Variants in PRKCE observed in about 807,000 individuals in gnomAD.
The protein encoded by PRKCE is protein kinase C epsilon type.
A neutral mutation model predicts 85.4 loss-of-function variants in PRKCE; 16 were observed. The ratio of observed to expected loss-of-function variants is 0.19; its 90% CI spans 0.13 to 0.28. The LOEUF (loss-of-function observed/expected upper bound fraction) is 0.28. Among genes scored for constraint, PRKCE ranks in the 10% least tolerant of loss-of-function variants. The probability of loss-of-function intolerance (pLI) is 1.00; values close to 1 mark genes in which losing one functional copy is unlikely to be tolerated. For missense variants in PRKCE, 573 were observed against 975.2 expected, an observed-to-expected ratio of 0.59 and a Z score of 5.49; for synonymous variants, 388 against 371.5, an observed-to-expected ratio of 1.04 and a Z score of -0.51.
intron 1 of PRKCE, among the ~76,000 whole-genome samples, chr2:45,710,917 G>A (rs892739474): frequency 6.6e-6 from 1 of 152,198 alleles, no homozygotes; most frequent in Non-Finnish European, 1.5e-5. Context: ...AGAGAGGGGG[G>A]ACCTTGCCTT....
intron 1 of PRKCE, among the ~76,000 whole-genome samples, chr2:45,747,012 C>T (rs181794527): frequency 1.8e-4 from 27 of 152,310 alleles, no homozygotes; most frequent in East Asian, 9.6e-4. Context: ...ACTGATGACA[C>T]GCTTCTCTGA....
At chr2:45,917,466 C>G (rs1376257011) in intron 2 of PRKCE, among the ~76,000 whole-genome samples, 4 of 152,214 alleles carry the variant, frequency 2.6e-5, no homozygotes, top group Non-Finnish European at 5.9e-5. Context: ...TTCACAAACC[C>G]TGAGCTAGAC....
intron 6 of PRKCE, among the ~76,000 whole-genome samples, chr2:45,990,192 T>C (rs2245633): frequency 0.5 from 76,421 of 151,960 alleles, 19,683 homozygotes; most frequent in East Asian, 0.65. Flanking sequence ...ATCTGAAAAC[T>C]CAACTGGAAG....
rs138026072 is a variant in PRKCE at position 45,923,513 on chromosome 2, G to T, written c.413-52916G>T. On this transcript the variant is annotated intron_variant, in intron 2 of 14. Coordinates refer to ENST00000306156, the MANE Select transcript of PRKCE (RefSeq NM_005400.3). ...TGCCATTTGGAGACCAGCTTTGGAG[G>T]TAGAGCAGAGTCCAGGGACATCTCT... 2.0e-5 allele frequency among the ~76,000 whole-genome samples: 3 copies of T among 152,346 alleles called. No individual in the cohort carries two copies. The East Asian group carries it at 5.8e-4, about 29-fold the overall frequency.
chr2:46,125,792 A>T (rs1673790204), intron 11 of PRKCE, among the ~76,000 whole-genome samples: 1 of 152,246 alleles, frequency 6.6e-6, no homozygotes, highest in Non-Finnish European at 1.5e-5. Context: ...AGTCATTCTT[A>T]ATTCATATTA....
chr2:45,845,232 G>A (rs1197218066), intron 2 of PRKCE, among the ~76,000 whole-genome samples: 18 of 151,812 alleles, frequency 1.2e-4, no homozygotes, highest in Admixed American at 1.2e-3. Flanking sequence ...GCCTGGAGGG[G>A]GTTTTGGAAG....
chr2:45,867,376 A>T (rs540527222), intron 2 of PRKCE, among the ~76,000 whole-genome samples: 1 of 152,246 alleles, frequency 6.6e-6, no homozygotes, highest in Non-Finnish European at 1.5e-5. Context: ...GTATAAGTAT[A>T]TTCCATGCAA....
intron 10 of PRKCE, among the ~76,000 whole-genome samples, chr2:46,042,032 A>G (rs72806740): frequency 0.044 from 6,773 of 152,328 alleles, 230 homozygotes; most frequent in Non-Finnish European, 0.069. Context: ...GTGTTTCTCA[A>G]TATATGATCT....
chr2:46,163,003 G>T (rs536262643), intron 14 of PRKCE, among the ~76,000 whole-genome samples: 2 of 152,354 alleles, frequency 1.3e-5, no homozygotes, highest in African/African-American at 4.8e-5. Context: ...TGCACATACT[G>T]CATTTCTCAT....
chr2:45,920,300 C>G (rs1281474493), intron 2 of PRKCE, among the ~76,000 whole-genome samples: 1 of 152,196 alleles, frequency 6.6e-6, no homozygotes, highest in Non-Finnish European at 1.5e-5. Flanking sequence ...TAACTGCCCA[C>G]TCAGTAACCC....
chr2:45,653,238 T>G (rs972666883), intron 1 of PRKCE, among the ~76,000 whole-genome samples: 2 of 152,160 alleles, frequency 1.3e-5, no homozygotes, highest in African/African-American at 2.4e-5. Flanking sequence ...ATTGATTCCA[T>G]TATTAAACTA....
intron 1 of PRKCE, among the ~76,000 whole-genome samples, chr2:45,733,716 C>T (rs1332226765): frequency 6.6e-6 from 1 of 152,142 alleles, no homozygotes. Flanking sequence ...TTTCTTTCTA[C>T]GCAGCTAAGA....
Position 45,652,482 on chromosome 2 carries a change from C to G in PRKCE, c.348+34C>G. On this transcript the variant is annotated intron_variant, in intron 1 of 14. Coordinates refer to ENST00000306156, the MANE Select transcript of PRKCE (RefSeq NM_005400.3). The surrounding 1 kb of genome is among the most constrained non-coding windows in gnomAD (Gnocchi z 7.7). The stretch of plus-strand genomic sequence containing the variant: ...GGCGCCTCCCCGTCATTCCGGGAAC[C>G]CGGTTGTGGGGTCCCGGGGAAAGAC... 6.4e-7 allele frequency: 1 copy of G among 1,554,122 alleles called. No individual in the cohort carries two copies. Among genetic ancestry groups the G allele is most frequent in the Non-Finnish European group, 8.7e-7 (1 of 1,148,066 alleles).
At chr2:45,913,178 G>A (rs779157294) in intron 2 of PRKCE, among the ~76,000 whole-genome samples, 5 of 152,172 alleles carry the variant, frequency 3.3e-5, no homozygotes, top group African/African-American at 7.2e-5. Flanking sequence ...ACAGGGTCTC[G>A]CTTTGTTACC....
chr2:45,670,823 C>G (rs1020190050), intron 1 of PRKCE, among the ~76,000 whole-genome samples: 27 of 152,190 alleles, frequency 1.8e-4, no homozygotes, highest in African/African-American at 6.5e-4. Flanking sequence ...TCTGAGAAAC[C>G]TGCCTGACTA....
At chr2:45,959,399 A>G (rs978494595) in intron 2 of PRKCE, among the ~76,000 whole-genome samples, 10 of 152,202 alleles carry the variant, frequency 6.6e-5, no homozygotes, top group African/African-American at 1.4e-4. Flanking sequence ...ATGCACACAG[A>G]TGCATGAGAG....
At chr2:45,914,448 C>A (rs1427169293) in intron 2 of PRKCE, among the ~76,000 whole-genome samples, 1 of 152,128 alleles carries the variant, frequency 6.6e-6, no homozygotes, top group Non-Finnish European at 1.5e-5. Flanking sequence ...TGCTGTAGAT[C>A]TAGATTTAGG....
Position 46,007,489 on chromosome 2 carries a change from G to A in PRKCE, c.1091G>A (p.Arg364Gln), listed in dbSNP as rs769788896. Residue 364 changes from arginine (R) to glutamine (Q), a missense_variant, in exon 9 of 15, where the codon CGG becomes CAG. Around this residue, in one of 11 missense-constraint regions of PRKCE, gnomAD observed 117 missense variants for 104.8 expected, o/e 1.12. Transcript: ENST00000306156. ...QEIKELENNIRKALSFDNRGE... is the reference protein window; with the variant it reads ...QEIKELENNIQKALSFDNRGE... ...ATAAAAGAACTTGAGAACAACATTC[G>A]GAAAGCCTTGTCATTTGACAACCGA... 4.4e-6 allele frequency: 7 copies of A among 1,599,640 alleles called. No individual in the cohort carries two copies. Among genetic ancestry groups the A allele is most frequent in the Admixed American group, 1.7e-5 (1 of 60,010 alleles).
chr2:46,106,232 T>A (rs1460656148), intron 11 of PRKCE, among the ~76,000 whole-genome samples: 5 of 152,236 alleles, frequency 3.3e-5, no homozygotes, highest in Admixed American at 2.6e-4. Flanking sequence ...TATGAAGCTA[T>A]TTGAGCTCAC....
Sources: gnomAD v4.1 joint callset for allele counts (sites outside exome capture counted in the v4.1 genomes callset) on GRCh38, gnomAD v4.1.1 for gene constraint, gnomAD v4.1.1 regional missense constraint, Gnocchi (gnomAD v3.1) non-coding constraint, MANE v1.5 for transcripts, NCBI Gene and HGNC (gene_info 2026-07-23, HGNC 2026-07-21) for gene names.